The following RALYL variants were observed in gnomAD, a reference collection of about 807,000 sequenced individuals.
RALYL encodes the protein RNA-binding Raly-like protein.
In RALYL, 29 loss-of-function variants were observed where a neutral mutation model predicts 35.1. The ratio of observed to expected loss-of-function variants is 0.83; its 90% CI spans 0.61 to 1.13. The LOEUF (loss-of-function observed/expected upper bound fraction) is 1.13, where lower values mean the gene tolerates loss of function less well. Ranked by LOEUF, RALYL falls within the 50% of genes most tolerant of loss-of-function variation. RALYL has a pLI of 0.00. For missense variants in RALYL, 359 were observed against 360.4 expected (o/e 1.00, Z 0.03); for synonymous variants, 120 against 127.6 (o/e 0.94, Z 0.40).
intron 1 of RALYL, among the ~76,000 whole-genome samples, chr8:84,225,708 C>G (rs1823717102): frequency 6.6e-6 from 1 of 152,078 alleles, no homozygotes; most frequent in Non-Finnish European, 1.5e-5. Flanking sequence ...TGTGACTGCC[C>G]CCACTCCTGA....
At chr8:84,577,342 A>G (rs772044572) in intron 2 of RALYL, among the ~76,000 whole-genome samples, 2 of 152,228 alleles carry the variant, frequency 1.3e-5, no homozygotes, top group Non-Finnish European at 2.9e-5. Flanking sequence ...GCAGCTCTGT[A>G]GCAGCGTGGC....
At chr8:84,201,121 C>A (rs1385849438) in intron 1 of RALYL, among the ~76,000 whole-genome samples, 2 of 152,108 alleles carry the variant, frequency 1.3e-5, no homozygotes, top group Admixed American at 1.3e-4. Context: ...GATTAACCTT[C>A]CTATGCATTT....
intron 2 of RALYL, among the ~76,000 whole-genome samples, chr8:84,749,584 T>C (rs1809463872): frequency 1.3e-5 from 2 of 152,102 alleles, no homozygotes; most frequent in African/African-American, 4.8e-5. Flanking sequence ...CTAGAAGTGA[T>C]AGCAAAACTC....
chr8:84,367,318 A>AATTTTTTTTTTTTTTTTTTTT (rs1854572226), intron 1 of RALYL, among the ~76,000 whole-genome samples: 2 of 27,400 alleles, frequency 7.3e-5, no homozygotes, highest in Non-Finnish European at 2.0e-4. Flanking sequence ...TAATTTTTGT[A>AATTTTTTTTTTTTTTTTTTTT]TTTTTTTTTT....
At chr8:84,851,885 T>C (rs777044205) in intron 5 of RALYL, among the ~76,000 whole-genome samples, 3 of 152,196 alleles carry the variant, frequency 2.0e-5, no homozygotes, top group African/African-American at 2.4e-5. Flanking sequence ...TAATTTCTAT[T>C]GCTATATTTC....
intron 1 of RALYL, among the ~76,000 whole-genome samples, chr8:84,480,510 C>T (rs2053932981): frequency 6.6e-6 from 1 of 152,076 alleles, no homozygotes; most frequent in South Asian, 2.1e-4. Context: ...TGTGCGTATT[C>T]TAAATTGGAT....
chr8:84,303,023 C>T (rs1841110334), intron 1 of RALYL, among the ~76,000 whole-genome samples: 1 of 152,136 alleles, frequency 6.6e-6, no homozygotes. Context: ...TGTTAATATA[C>T]TTTAATTTTT....
At chr8:84,503,681 T>C (rs2056908283) in intron 1 of RALYL, among the ~76,000 whole-genome samples, 1 of 151,834 alleles carries the variant, frequency 6.6e-6, no homozygotes, top group Admixed American at 6.6e-5. Context: ...AAACCACATC[T>C]CTACTAAAAA....
At chr8:84,360,881 A>G (rs1347379976) in intron 1 of RALYL, among the ~76,000 whole-genome samples, 1 of 151,912 alleles carries the variant, frequency 6.6e-6, no homozygotes, top group Non-Finnish European at 1.5e-5. Flanking sequence ...TCAGGGAGTC[A>G]GGTTTCCAGA....
intron 1 of RALYL, among the ~76,000 whole-genome samples, chr8:84,259,234 C>A (rs1164449858): frequency 7.2e-5 from 11 of 152,102 alleles, no homozygotes; most frequent in Admixed American, 7.2e-4. Context: ...TGAAATGACC[C>A]GCCTTTACAA....
intron 8 of RALYL, among the ~76,000 whole-genome samples, chr8:84,900,660 C>A (rs147708398): frequency 4.5e-4 from 68 of 150,976 alleles, no homozygotes; most frequent in Admixed American, 1.3e-3. Context: ...GCCTGGGCAA[C>A]AAGAGCGAAA....
chr8:84,638,681 T>C (rs779410212), intron 2 of RALYL, among the ~76,000 whole-genome samples: 12 of 150,394 alleles, frequency 8.0e-5, no homozygotes, highest in Admixed American at 4.6e-4. Flanking sequence ...TCTGAGAAAG[T>C]CTGTCCTCAA....
chr8:84,778,992 A>G (rs1478940027), intron 3 of RALYL, among the ~76,000 whole-genome samples: 1 of 152,258 alleles, frequency 6.6e-6, no homozygotes, highest in Admixed American at 6.5e-5. Context: ...AATTCATTAA[A>G]ATAGCACTTG....
At chr8:84,710,831 G>A in intron 2 of RALYL, among the ~76,000 whole-genome samples, 1 of 152,174 alleles carries the variant, frequency 6.6e-6, no homozygotes, top group East Asian at 1.9e-4. Context: ...ACTTTCCAGA[G>A]ACTGCTCTAA....
intron 2 of RALYL, among the ~76,000 whole-genome samples, chr8:84,698,788 T>C (rs1024817280): frequency 2.0e-5 from 3 of 152,208 alleles, no homozygotes; most frequent in African/African-American, 7.2e-5. Context: ...TACAATAGGA[T>C]ACTTGCTACT....
At chr8:84,314,387 A>T (rs1843366130) in intron 1 of RALYL, among the ~76,000 whole-genome samples, 1 of 152,098 alleles carries the variant, frequency 6.6e-6, no homozygotes, top group African/African-American at 2.4e-5. Context: ...AAATAAAAAG[A>T]AGAGAAAAGA....
In RALYL at chr8:84,487,656, C is replaced by T. The variant is rs148834956; in HGVS notation, c.-23-41643C>T. On this transcript the variant is annotated intron_variant, in intron 1 of 8. Coordinates refer to ENST00000521268, the MANE Select transcript of RALYL (RefSeq NM_173848.7). ...TTTTACATATTGTCTATGCAGCTTT[C>T]GAGCTGGAAAGAAGAATTGAGTAAT... Among the ~76,000 whole-genome samples the T allele has an allele frequency of 9.4e-3, 1,429 of 152,142 alleles. 12 individuals carry two copies. Among genetic ancestry groups the T allele is most frequent in the Non-Finnish European group, 0.014 (940 of 67,978 alleles).
intron 1 of RALYL, among the ~76,000 whole-genome samples, chr8:84,304,839 T>C (rs1173262045): frequency 1.3e-5 from 2 of 152,204 alleles, no homozygotes; most frequent in Non-Finnish European, 2.9e-5. Flanking sequence ...CTTTGAGATA[T>C]GTACATTGAG....
intron 3 of RALYL, among the ~76,000 whole-genome samples, chr8:84,803,869 T>C (rs1014914): frequency 0.78 from 118,098 of 152,212 alleles, 46,392 homozygotes; most frequent in East Asian, 0.88. Context: ...TTCAACTGTC[T>C]TTCTTAAAAA....
Sources: gnomAD v4.1 joint callset for allele counts (sites outside exome capture counted in the v4.1 genomes callset) on GRCh38, gnomAD v4.1.1 for gene constraint, MANE v1.5 for transcripts, NCBI Gene and HGNC (gene_info 2026-07-23, HGNC 2026-07-21) for gene names.